Variants in SIPA1L1 observed in about 807,000 individuals in gnomAD.
SIPA1L1 encodes signal-induced proliferation-associated 1-like protein 1.
In SIPA1L1, 26 loss-of-function variants were observed where a neutral mutation model predicts 162.7. The ratio of observed to expected loss-of-function variants is 0.16; its 90% CI spans 0.12 to 0.22. SIPA1L1 has a LOEUF of 0.22. Ranked by LOEUF, SIPA1L1 falls within the 10% of genes least tolerant of loss-of-function variation. SIPA1L1 has a pLI of 1.00. For synonymous variants in SIPA1L1, 829 were observed against 837.4 expected, an observed-to-expected ratio of 0.99 and a Z score of 0.17; for missense variants, 1,874 against 2,241.0, an observed-to-expected ratio of 0.84 and a Z score of 3.31.
chr14:71,684,379 C>T (rs1176394072), intron 12 of SIPA1L1, among the ~76,000 whole-genome samples: 1 of 152,244 alleles, frequency 6.6e-6, no homozygotes, highest in African/African-American at 2.4e-5. Flanking sequence ...TTCCACTTTG[C>T]CCCCCATCTC....
At chr14:71,388,924 C>G (rs1001084666) in intron 2 of SIPA1L1, among the ~76,000 whole-genome samples, 1 of 152,120 alleles carries the variant, frequency 6.6e-6, no homozygotes, top group Non-Finnish European at 1.5e-5. Flanking sequence ...TACCACCTTA[C>G]CTATATAAAT....
At chr14:71,479,708 A>G (rs143565557) in intron 2 of SIPA1L1, among the ~76,000 whole-genome samples, 210 of 152,090 alleles carry the variant, frequency 1.4e-3, no homozygotes, top group Non-Finnish European at 2.5e-3. Context: ...ACACCTGTCT[A>G]AACCCCTGTT....
intron 2 of SIPA1L1, among the ~76,000 whole-genome samples, chr14:71,444,867 G>T (rs989397532): frequency 1.3e-5 from 2 of 152,178 alleles, no homozygotes; most frequent in Non-Finnish European, 2.9e-5. Flanking sequence ...CTGATGAAGT[G>T]CTCTTTGCCA....
intron 4 of SIPA1L1, among the ~76,000 whole-genome samples, chr14:71,544,137 A>ATACATATATGCACGTGTGTGTATATG (rs1424737161): frequency 4.3e-4 from 65 of 150,848 alleles, no homozygotes; most frequent in Non-Finnish European, 6.5e-4. Flanking sequence ...GTGTATGTAT[A>ATACATATATGCACGTGTGTGTATATG]TACATATATG....
chr14:71,375,175 T>TAGAA (rs2039261990), intron 2 of SIPA1L1, among the ~76,000 whole-genome samples: 2 of 152,160 alleles, frequency 1.3e-5, no homozygotes, highest in African/African-American at 4.8e-5. Context: ...GCTTGCTTTC[T>TAGAA]AGCCTCTGGG....
chr14:71,501,195 T>C (rs2050184986), intron 2 of SIPA1L1, among the ~76,000 whole-genome samples: 1 of 151,864 alleles, frequency 6.6e-6, no homozygotes, highest in South Asian at 2.1e-4. Context: ...GTGGTGTGCA[T>C]CTGTGGTCCC....
chr14:71,322,096 G>A (rs2033100600), intron 2 of SIPA1L1, among the ~76,000 whole-genome samples: 1 of 152,196 alleles, frequency 6.6e-6, no homozygotes, highest in Non-Finnish European at 1.5e-5. Flanking sequence ...CCAGCGATGT[G>A]ATGCAAATTT....
At chr14:71,413,669 G>A (rs888991227) in intron 2 of SIPA1L1, among the ~76,000 whole-genome samples, 7 of 152,106 alleles carry the variant, frequency 4.6e-5, no homozygotes, top group Admixed American at 1.3e-4. Flanking sequence ...CCCAGGAGGC[G>A]GAGGTTGCAG....
At chr14:71,670,442 C>G (rs2044405090) in intron 10 of SIPA1L1, among the ~76,000 whole-genome samples, 1 of 152,046 alleles carries the variant, frequency 6.6e-6, no homozygotes, top group Admixed American at 6.5e-5. Flanking sequence ...CCAAAAGGAC[C>G]AAGGAATAGC....
chr14:71,560,770 G>A (rs2056724153), intron 4 of SIPA1L1, among the ~76,000 whole-genome samples: 1 of 152,188 alleles, frequency 6.6e-6, no homozygotes, highest in Non-Finnish European at 1.5e-5. Flanking sequence ...TTCCATACCT[G>A]CTGGAGTGAG....
intron 2 of SIPA1L1, among the ~76,000 whole-genome samples, chr14:71,488,569 A>G (rs1384087117): frequency 3.9e-5 from 6 of 152,274 alleles, no homozygotes; most frequent in Non-Finnish European, 8.8e-5. Flanking sequence ...GAAAATTTCC[A>G]AAATTATCAG....
chr14:71,339,073 T>C (rs2140385605), intron 2 of SIPA1L1, among the ~76,000 whole-genome samples: 1 of 152,304 alleles, frequency 6.6e-6, no homozygotes, highest in Admixed American at 6.5e-5. Context: ...GCCTGTATTA[T>C]ATGGCAATAT....
intron 15 of SIPA1L1, among the ~76,000 whole-genome samples, chr14:71,703,777 C>T (rs184642667): frequency 6.6e-6 from 1 of 152,176 alleles, no homozygotes; most frequent in Non-Finnish European, 1.5e-5. Flanking sequence ...CAGTGTCATG[C>T]CTCCCACTCT....
Position 71,650,518 on chromosome 14 carries a change from T to C in SIPA1L1, c.1993+9T>C. The C allele has an allele frequency of 1.2e-6, 2 of 1,613,286 alleles. No homozygotes were observed. The highest frequency in any genetic ancestry group is 1.7e-6 in the Non-Finnish European group (2 of 1,179,350). On this transcript the variant is annotated intron_variant, in intron 8 of 23. Coordinates refer to ENST00000381232, the MANE Select transcript of SIPA1L1 (RefSeq NM_001386936.1). ...ACAGCTTGATACCAAAAGTAAGAAA[T>C]ACTTACACCCTCCTACTAGGCTTAT...
chr14:71,708,029 G>GTTTTTTTTTTTT (rs58827391), intron 16 of SIPA1L1, among the ~76,000 whole-genome samples: 3 of 82,086 alleles, frequency 3.7e-5, no homozygotes, highest in African/African-American at 5.7e-5. Context: ...TTTTTTTTTT[G>GTTTTTTTTTTTT]TTTTTTTTTT....
chr14:71,741,043 A>C lies in SIPA1L1; in HGVS notation c.*1882A>C, dbSNP rs2085709734. 6.6e-6 allele frequency: 1 copy of C among 152,198 alleles called. No individual in the cohort carries two copies. Among genetic ancestry groups the C allele is most frequent in the South Asian group, 2.1e-4 (1 of 4,826 alleles). The allele number at this position is 152,198 out of a possible 1,614,324, so 9.4% of individuals were successfully genotyped here. ...AAATTCATTTTAAACGCTCTTTTAA[A>C]ACACTTTGGTATTATTGCTTGAGGT... On this transcript the variant is annotated 3_prime_UTR_variant, in exon 24 of 24. Transcript: ENST00000381232.
intron 2 of SIPA1L1, chr14:71,330,644 C>A: frequency 1.1e-6 from 1 of 893,600 alleles, no homozygotes. Context: ...TGGGTCAACT[C>A]ATTGTTGTAG....
At chr14:71,446,612 A>G (rs1216878487) in intron 2 of SIPA1L1, among the ~76,000 whole-genome samples, 1 of 152,144 alleles carries the variant, frequency 6.6e-6, no homozygotes, top group East Asian at 1.9e-4. Flanking sequence ...ATCTTGTTAT[A>G]TATTTGTGTA....
At chr14:71,325,950 T>C (rs2140192331) in intron 2 of SIPA1L1, among the ~76,000 whole-genome samples, 1 of 152,278 alleles carries the variant, frequency 6.6e-6, no homozygotes, top group East Asian at 1.9e-4. Context: ...AATGCCAGCT[T>C]GGGGAGGGAG....
Sources: gnomAD v4.1 joint callset for allele counts (sites outside exome capture counted in the v4.1 genomes callset) on GRCh38, gnomAD v4.1.1 for gene constraint, MANE v1.5 for transcripts, NCBI Gene and HGNC (gene_info 2026-07-23, HGNC 2026-07-21) for gene names.